Variants in LRRTM3 observed in about 807,000 individuals in gnomAD.
LRRTM3 encodes the protein leucine-rich repeat transmembrane neuronal protein 3.
LRRTM3 carries 24 observed loss-of-function variants against 44.7 expected under a neutral mutation model. The ratio of observed to expected loss-of-function variants is 0.54; its 90% CI spans 0.39 to 0.76. The LOEUF (loss-of-function observed/expected upper bound fraction) is 0.76. Ranked by LOEUF, LRRTM3 falls within the 30% of genes least tolerant of loss-of-function variation. LRRTM3 has a pLI of 0.00. For missense variants in LRRTM3, 587 were observed against 702.2 expected, an observed-to-expected ratio of 0.84 and a Z score of 1.85; for synonymous variants, 277 against 278.7, an observed-to-expected ratio of 0.99 and a Z score of 0.06.
chr10:66,974,552 T>C (rs1849918593), intron 2 of LRRTM3, among the ~76,000 whole-genome samples: 1 of 152,212 alleles, frequency 6.6e-6, no homozygotes, highest in Non-Finnish European at 1.5e-5. Context: ...GTAGTGTAAG[T>C]GAATGCTTAC....
intron 2 of LRRTM3, among the ~76,000 whole-genome samples, chr10:66,995,715 T>C (rs1423339427): frequency 1.3e-5 from 2 of 152,162 alleles, no homozygotes; most frequent in Non-Finnish European, 2.9e-5. Flanking sequence ...TAGCTTTGCT[T>C]ACACTGCTCC....
chr10:67,068,517 A>G (rs1856233137), intron 2 of LRRTM3, among the ~76,000 whole-genome samples: 1 of 152,194 alleles, frequency 6.6e-6, no homozygotes, highest in African/African-American at 2.4e-5. Context: ...GAGGTCTTAA[A>G]GTGGTTAAAA....
intron 2 of LRRTM3, among the ~76,000 whole-genome samples, chr10:66,948,726 A>C (rs1426133579): frequency 6.6e-6 from 1 of 152,204 alleles, no homozygotes; most frequent in Non-Finnish European, 1.5e-5. Context: ...TGAACATATT[A>C]AATGATAACA....
rs914476516 is a variant in LRRTM3, at chr10:67,098,774, A to G, written c.*978A>G. 1.3e-5 allele frequency: 2 copies of G among 152,072 alleles called. No individual in the cohort carries two copies. The highest frequency in any genetic ancestry group is 2.9e-5 in the Non-Finnish European group (2 of 67,896). The allele number at this position is 152,072 out of a possible 1,614,324, so 9.4% of individuals were successfully genotyped here. On this transcript the variant is annotated 3_prime_UTR_variant, in exon 3 of 3. Coordinates refer to ENST00000361320, the MANE Select transcript of LRRTM3 (RefSeq NM_178011.5). The stretch of plus-strand genomic sequence containing the variant: ...ATTATTTTCAGGCCAAGGTGGGAGT[A>G]TAGTGCATAATAATTGTACAGTAGC...
chr10:67,068,496 G>A (rs546242696), intron 2 of LRRTM3, among the ~76,000 whole-genome samples: 1 of 152,272 alleles, frequency 6.6e-6, no homozygotes, highest in East Asian at 1.9e-4. Flanking sequence ...AACAACAGGT[G>A]AATAGTGAGT....
rs148445097 is a variant in LRRTM3 at position 66,978,928 on chromosome 10, T to G, written c.1536+50476T>G. Among the ~76,000 whole-genome samples, 803 of 150,982 alleles carry G rather than the reference T, an allele frequency of 5.3e-3. 9 individuals carry two copies. The highest frequency in any genetic ancestry group is 0.018 in the African/African-American group (762 of 41,294). Reference sequence around the variant, plus strand: ...AAATCTTGACTAGCGACAAGTCCCTTGTTAAATAGCCACTCCTCACATACT... The same window carrying G: ...AAATCTTGACTAGCGACAAGTCCCTGGTTAAATAGCCACTCCTCACATACT... On this transcript the variant is annotated intron_variant, in intron 2 of 2. Coordinates refer to ENST00000361320, the MANE Select transcript of LRRTM3 (RefSeq NM_178011.5).
intron 2 of LRRTM3, among the ~76,000 whole-genome samples, chr10:66,933,744 A>G (rs1847538274): frequency 6.6e-6 from 1 of 151,746 alleles, no homozygotes; most frequent in Non-Finnish European, 1.5e-5. Flanking sequence ...ATGTACAGGG[A>G]CTTCCTTTTA....
intron 2 of LRRTM3, among the ~76,000 whole-genome samples, chr10:67,028,736 G>T (rs935666755): frequency 6.6e-6 from 1 of 151,804 alleles, no homozygotes; most frequent in Non-Finnish European, 1.5e-5. Context: ...AACGATTAAG[G>T]TCTTCTAGGA....
At chr10:66,943,833 A>G (rs1848146878) in intron 2 of LRRTM3, among the ~76,000 whole-genome samples, 1 of 152,182 alleles carries the variant, frequency 6.6e-6, no homozygotes, top group Non-Finnish European at 1.5e-5. Context: ...GCTGTACTGT[A>G]GTCTATTAAG....
chr10:66,929,250 A>G (rs1053286989), intron 2 of LRRTM3, among the ~76,000 whole-genome samples: 16 of 152,248 alleles, frequency 1.1e-4, no homozygotes, highest in African/African-American at 3.6e-4. Context: ...TAAATGAAAC[A>G]GCATTGAGAA....
At chr10:67,026,009 C>CA (rs1402860711) in intron 2 of LRRTM3, among the ~76,000 whole-genome samples, 2 of 148,314 alleles carry the variant, frequency 1.3e-5, no homozygotes, top group East Asian at 2.0e-4. Context: ...ATCGCAAGGA[C>CA]AAAAAACCAA....
chr10:66,942,300 C>T (rs925983674), intron 2 of LRRTM3, among the ~76,000 whole-genome samples: 1 of 152,062 alleles, frequency 6.6e-6, no homozygotes, highest in Admixed American at 6.5e-5. Context: ...TTGACGCTTA[C>T]CAATCATTAT....
rs780716478 is a variant in LRRTM3, at chr10:66,957,443, CATATATATATATGCAT to C, written c.1536+29002_1536+29017del. 0.018 allele frequency among the ~76,000 whole-genome samples: 401 copies of C among 22,090 alleles called. 17 individuals carry two copies. In the Middle Eastern group the frequency reaches 0.22, roughly 12 times the overall value. 14.5% of individuals were successfully genotyped at this position (22,090 alleles called of 152,430 possible). ...ATATATATATGCATATATATATATG[CATATATATATATGCAT>C]ATATATATATGTTTGATCCTGAAGG... On this transcript the variant is annotated intron_variant, in intron 2 of 2. Coordinates refer to ENST00000361320, the MANE Select transcript of LRRTM3 (RefSeq NM_178011.5).
intron 2 of LRRTM3, chr10:67,052,819 C>T (rs1194834703): frequency 1.3e-5 from 2 of 151,952 alleles, no homozygotes; most frequent in African/African-American, 4.8e-5. Context: ...TTTATTGATT[C>T]TGCTGAATGA....
At chr10:67,076,828 A>G (rs1856772366) in intron 2 of LRRTM3, among the ~76,000 whole-genome samples, 1 of 152,158 alleles carries the variant, frequency 6.6e-6, no homozygotes, top group African/African-American at 2.4e-5. Flanking sequence ...AATAAAATCA[A>G]TTGACATATC....
At chr10:66,978,960 C>CTTTT (rs34112681) in intron 2 of LRRTM3, among the ~76,000 whole-genome samples, 65 of 83,782 alleles carry the variant, frequency 7.8e-4, no homozygotes, top group African/African-American at 1.5e-3. Context: ...TACTTATTTC[C>CTTTT]TTTTTTTTTT....
intron 2 of LRRTM3, among the ~76,000 whole-genome samples, chr10:66,974,390 G>A (rs528579784): frequency 2.0e-4 from 30 of 152,248 alleles, no homozygotes; most frequent in Admixed American, 5.9e-4. Context: ...CACACTTTAC[G>A]CATTCACCTG....
rs1037983500 is a variant in LRRTM3, at chr10:67,098,907, G to C, written c.*1111G>C. 6.6e-6 allele frequency: 1 copy of C among 151,814 alleles called. No homozygotes were observed. The highest frequency in any genetic ancestry group is 2.4e-5 in the African/African-American group (1 of 41,368). 9.4% of individuals were successfully genotyped at this position (151,814 alleles called of 1,614,324 possible). The stretch of plus-strand genomic sequence containing the variant: ...CTTTTTATTTAGAACTGTGAGACCG[G>C]TATTTTGGAAACATTTCAAAGGAAA... On this transcript the variant is annotated 3_prime_UTR_variant, in exon 3 of 3. Transcript: ENST00000361320.
Position 67,097,846 on chromosome 10 carries a change from G to A in LRRTM3, c.*50G>A, listed in dbSNP as rs761110320. 13 of 1,526,456 alleles carry A rather than the reference G, an allele frequency of 8.5e-6. No homozygotes were observed. The South Asian group carries it at 1.2e-4, about 15-fold the overall frequency. The allele number at this position is 1,526,456 out of a possible 1,614,324, so 94.6% of individuals were successfully genotyped here. ...TGCTACCAAACTTTGTAACCTCAAG[G>A]ACAAAATGAGGAAGATGTGTTCATT... On this transcript the variant is annotated 3_prime_UTR_variant, in exon 3 of 3. Coordinates refer to ENST00000361320, the MANE Select transcript of LRRTM3 (RefSeq NM_178011.5).
Sources: allele counts gnomAD v4.1 joint callset (sites outside exome capture counted in the v4.1 genomes callset), GRCh38; gene constraint gnomAD v4.1.1; transcripts MANE v1.5; gene names NCBI Gene and HGNC (gene_info 2026-07-23, HGNC 2026-07-21).